ADGB: variants seen among roughly 807,000 people sequenced by gnomAD.
The protein encoded by ADGB is calpain-7-like protein.
Under a neutral mutation model 210.5 loss-of-function variants are expected in ADGB, and 172 were observed. That is an observed-to-expected ratio of 0.82 (90% CI 0.72 to 0.93). ADGB has a LOEUF of 0.93. Among genes scored for constraint, ADGB ranks in the 40% least tolerant of loss-of-function variants. ADGB has a pLI of 0.00. For missense variants in ADGB, 2,025 were observed against 1,964.8 expected, an observed-to-expected ratio of 1.03 and a Z score of -0.58; for synonymous variants, 658 against 662.7, an observed-to-expected ratio of 0.99 and a Z score of 0.11.
Position 146,599,082 on chromosome 6 carries a change from C to A in ADGB, c.42C>A (p.Ile14=). 1 of 1,551,756 alleles carries A rather than the reference C, an allele frequency of 6.4e-7. No individual in the cohort carries two copies. Among genetic ancestry groups the A allele is most frequent in the Non-Finnish European group, 8.7e-7 (1 of 1,146,998 alleles). Residue 14 remains isoleucine (I), a synonymous_variant, in exon 1 of 36, where the codon ATC becomes ATA. Transcript: ENST00000397944. ...CCAAAAAGAAAGAGGTGCATCGTATCAACTCGGCGCACGGATCGGATAAAT... is the reference window on the plus strand; with the variant it reads ...CCAAAAAGAAAGAGGTGCATCGTATAAACTCGGCGCACGGATCGGATAAAT... The part of the protein sequence containing the change: ...KQTKKKEVHR[I]NSAHGSDKSK...
chr6:146,629,550 CAT>C (rs1781029085), intron 1 of ADGB, among the ~76,000 whole-genome samples: 1 of 152,174 alleles, frequency 6.6e-6, no homozygotes, highest in African/African-American at 2.4e-5. Context: ...AGAAGCAAAA[CAT>C]AATCTTAGTA....
At chr6:146,814,296 C>G (rs1435459839) in intron 35 of ADGB, among the ~76,000 whole-genome samples, 1 of 152,170 alleles carries the variant, frequency 6.6e-6, no homozygotes, top group African/African-American at 2.4e-5. Context: ...AATCCTTAGT[C>G]TTTGATCATA....
intron 11 of ADGB, among the ~76,000 whole-genome samples, chr6:146,692,307 AGCCTC>A (rs1233940664): frequency 1.8e-4 from 27 of 152,126 alleles, no homozygotes; most frequent in African/African-American, 5.3e-4. Context: ...CTTCTGGATC[AGCCTC>A]AGACTCCTTT....
rs1200935987 is a variant in ADGB at position 146,646,643 on chromosome 6, C to G, written c.330+1778C>G. On this transcript the variant is annotated intron_variant, in intron 3 of 35. Transcript: ENST00000397944. ...AGTGATACTAGAGTCCATGACCTGACTGGAAGTTGTAAAAAATATTTTACA... is the reference window on the plus strand; with the variant it reads ...AGTGATACTAGAGTCCATGACCTGAGTGGAAGTTGTAAAAAATATTTTACA... 2.6e-5 allele frequency among the ~76,000 whole-genome samples: 4 copies of G among 152,180 alleles called. No homozygotes were observed. The East Asian group carries it at 7.7e-4, about 29-fold the overall frequency.
intron 1 of ADGB, among the ~76,000 whole-genome samples, chr6:146,631,886 A>T (rs997347500): frequency 6.6e-5 from 10 of 151,928 alleles, no homozygotes. Context: ...CTTGTTTCTA[A>T]ATTCAACATT....
chr6:146,775,129 C>G (rs1173251080), intron 29 of ADGB, among the ~76,000 whole-genome samples: 2 of 152,038 alleles, frequency 1.3e-5, no homozygotes, highest in Non-Finnish European at 2.9e-5. Context: ...TAAGGGTTTT[C>G]TGTTGTTGTT....
At chr6:146,700,584 A>G (rs1490274158) in intron 12 of ADGB, among the ~76,000 whole-genome samples, 1 of 152,148 alleles carries the variant, frequency 6.6e-6, no homozygotes, top group Non-Finnish European at 1.5e-5. Flanking sequence ...TCATAATTAA[A>G]TTTCTGACTC....
chr6:146,736,948 AG>A (rs1448874190), intron 23 of ADGB, among the ~76,000 whole-genome samples: 3 of 152,150 alleles, frequency 2.0e-5, no homozygotes, highest in African/African-American at 7.2e-5. Flanking sequence ...CTTTCTAAAC[AG>A]GGACAAGGCA....
At chr6:146,755,320 A>C (rs1777390953) in intron 27 of ADGB, among the ~76,000 whole-genome samples, 1 of 152,010 alleles carries the variant, frequency 6.6e-6, no homozygotes. Context: ...GCCCCACCCA[A>C]ATCTCATCTT....
Position 146,746,098 on chromosome 6 carries a change from A to C in ADGB, c.3354A>C (p.Lys1118Asn). 1 of 1,540,044 alleles carries C rather than the reference A, an allele frequency of 6.5e-7. No homozygotes were observed. Among genetic ancestry groups the C allele is most frequent in the South Asian group, 1.2e-5 (1 of 81,948 alleles). ...ATTACTACATACCCAATGATAAGAA[A>C]ATTTTATTCAGGTACAAGTAAATGA... is the stretch of plus-strand genomic sequence containing the variant. The part of the protein sequence containing the change: ...IRDYYIPNDK[K>N]ILFRYSVKVL... Residue 1118 changes from lysine (K) to asparagine (N), a missense_variant, in exon 26 of 36, where the codon AAA becomes AAC. Physicochemically the swap from Lys to Asn is moderately conservative, Grantham distance 94. Transcript: ENST00000397944.
chr6:146,705,143 C>T (rs373590173), intron 13 of ADGB, among the ~76,000 whole-genome samples: 2 of 151,836 alleles, frequency 1.3e-5, no homozygotes, highest in African/African-American at 4.8e-5. Context: ...GATTTTGTAT[C>T]CTGAAACTTT....
At chr6:146,730,398 C>T (rs1168290576) in intron 20 of ADGB, among the ~76,000 whole-genome samples, 2 of 152,144 alleles carry the variant, frequency 1.3e-5, no homozygotes, top group African/African-American at 4.8e-5. Flanking sequence ...GCAGATACAG[C>T]CCATTTCACA....
chr6:146,766,833 A>G (rs985354724), intron 28 of ADGB, among the ~76,000 whole-genome samples: 6 of 152,244 alleles, frequency 3.9e-5, no homozygotes, highest in Non-Finnish European at 8.8e-5. Flanking sequence ...AATTGCAAAT[A>G]ACATAATAGA....
intron 8 of ADGB, among the ~76,000 whole-genome samples, chr6:146,675,864 A>T (rs1776076443): frequency 6.6e-6 from 1 of 152,144 alleles, no homozygotes; most frequent in Non-Finnish European, 1.5e-5. Context: ...TCCACAAGAA[A>T]ATATTTTGGA....
At chr6:146,706,845 G>GTTTTTTTTTTTTTTTTTTTTTTTTTTT (rs34520729) in intron 13 of ADGB, among the ~76,000 whole-genome samples, 1 of 100,734 alleles carries the variant, frequency 9.9e-6, no homozygotes, top group African/African-American at 4.4e-5. Context: ...TCAGCTTAGT[G>GTTTTTTTTTTTTTTTTTTTTTTTTTTT]TTTTTTTTTT....
At chr6:146,623,277 T>C (rs964760305) in intron 1 of ADGB, among the ~76,000 whole-genome samples, 1 of 152,108 alleles carries the variant, frequency 6.6e-6, no homozygotes, top group Admixed American at 6.5e-5. Flanking sequence ...TTGGGGTGAA[T>C]TGATGTCTTA....
At chr6:146,795,086 T>A (rs1778020214) in intron 33 of ADGB, among the ~76,000 whole-genome samples, 1 of 152,132 alleles carries the variant, frequency 6.6e-6, no homozygotes, top group Non-Finnish European at 1.5e-5. Flanking sequence ...AAGAAAATCA[T>A]TACAAACATC....
rs1158707900 is a variant in ADGB, at chr6:146,691,460, AAATAT to A, written c.1486+172_1486+176del. Among the ~76,000 whole-genome samples the A allele has an allele frequency of 2.1e-3, 40 of 19,114 alleles. 4 individuals carry two copies. Among genetic ancestry groups the A allele is most frequent in the Middle Eastern group, 0.021 (2 of 96 alleles). The allele number at this position is 19,114 out of a possible 152,430, so 12.5% of individuals were successfully genotyped here. On this transcript the variant is annotated intron_variant, in intron 11 of 35. Coordinates refer to ENST00000397944, the MANE Select transcript of ADGB (RefSeq NM_024694.4). ...TATATATAAAAATATATATATATAA[AAATAT>A]ATATATATATAAATATATATATATA...
At position 146,734,853 on chromosome 6, in the gene ADGB, C is replaced by T. The variant is rs181123084; in HGVS notation, c.2794+823C>T. ...TGAACCCAGGAGGTGGTGGTTGCAG[C>T]GAGCCTGAGCCAAGATCACACCACT... On this transcript the variant is annotated intron_variant, in intron 22 of 35. Coordinates refer to ENST00000397944, the MANE Select transcript of ADGB (RefSeq NM_024694.4). 7.2e-4 allele frequency among the ~76,000 whole-genome samples: 109 copies of T among 152,106 alleles called. No individual in the cohort carries two copies. The East Asian group carries it at 8.0e-3, about 11-fold the overall frequency.
Sources: gnomAD v4.1 joint callset for allele counts (sites outside exome capture counted in the v4.1 genomes callset) on GRCh38, gnomAD v4.1.1 for gene constraint, MANE v1.5 for transcripts, NCBI Gene and HGNC (gene_info 2026-07-23, HGNC 2026-07-21) for gene names.